The following ZMYM2 variants were observed in gnomAD, a reference collection of about 807,000 sequenced individuals.
ZMYM2 encodes zinc finger MYM-type containing 2.
A neutral mutation model predicts 162.8 loss-of-function variants in ZMYM2; 56 were observed. The observed-to-expected ratio is 0.34, with a 90% CI of 0.28 to 0.43. The LOEUF is 0.43. ZMYM2 is among the 20% of genes least tolerant of loss of function. ZMYM2 has a pLI of 1.00. For synonymous variants in ZMYM2, 510 were observed against 541.6 expected, an observed-to-expected ratio of 0.94 and a Z score of 0.81; for missense variants, 1,275 against 1,621.8, an observed-to-expected ratio of 0.79 and a Z score of 3.67.
At chr13:19,884,851 A>G in the ZMYM2 span, among the ~76,000 whole-genome samples, 1 of 152,094 alleles carries the variant, frequency 6.6e-6, no homozygotes, top group Non-Finnish European at 1.5e-5. Context: ...ACCTGAGCAC[A>G]TCACAATTGC....
chr13:20,076,113 A>T (rs2140986047), intron 21 of ZMYM2, among the ~76,000 whole-genome samples: 1 of 150,554 alleles, frequency 6.6e-6, no homozygotes, highest in Admixed American at 6.6e-5. Context: ...ACCATATTAT[A>T]TACTTCTACA....
At chr13:19,909,942 A>G in the ZMYM2 span, among the ~76,000 whole-genome samples, 2 of 151,182 alleles carry the variant, frequency 1.3e-5, no homozygotes, top group Admixed American at 6.6e-5. Context: ...AAGGCCGGGC[A>G]TGGTGGCTCA....
At chr13:20,080,403 T>C (rs1028149719) in intron 21 of ZMYM2, among the ~76,000 whole-genome samples, 2 of 152,210 alleles carry the variant, frequency 1.3e-5, no homozygotes, top group South Asian at 2.1e-4. Flanking sequence ...TTTTCACTTA[T>C]CTGTTCTTTT....
the ZMYM2 span, among the ~76,000 whole-genome samples, chr13:19,866,369 T>TA: frequency 4.5e-4 from 68 of 150,656 alleles, no homozygotes; most frequent in East Asian, 0.012. Flanking sequence ...AGTGGTACAC[T>TA]AAAAAAAAAA....
chr13:20,063,939 T>A (rs1310264701), intron 18 of ZMYM2, among the ~76,000 whole-genome samples: 17 of 21,058 alleles, frequency 8.1e-4, no homozygotes, highest in Admixed American at 5.6e-3. Flanking sequence ...TATATAGTTT[T>A]TATATATATA....
At chr13:20,030,051 T>C (rs1010608250) in intron 9 of ZMYM2, among the ~76,000 whole-genome samples, 2 of 152,036 alleles carry the variant, frequency 1.3e-5, no homozygotes, top group African/African-American at 4.8e-5. Context: ...TGCCTCTGCC[T>C]CCCAAAGTAC....
chr13:20,058,724 CT>C lies in ZMYM2; in HGVS notation c.2623+22del. 6.2e-7 allele frequency: 1 copy of C among 1,611,838 alleles called. No individual in the cohort carries two copies. The highest frequency in any genetic ancestry group is 8.5e-7 in the Non-Finnish European group (1 of 1,178,814). Reference sequence around the variant, plus strand: ...AGACAGGTAACTTAGGACAATGTGACTTACATACTTCCCCATACCTTCATCT... The same window carrying C: ...AGACAGGTAACTTAGGACAATGTGACTACATACTTCCCCATACCTTCATCT... On this transcript the variant is annotated intron_variant, in intron 15 of 24. Coordinates refer to ENST00000610343, the MANE Select transcript of ZMYM2 (RefSeq NM_197968.4).
At chr13:19,981,681 T>C (rs571712656) in intron 2 of ZMYM2, among the ~76,000 whole-genome samples, 54 of 152,356 alleles carry the variant, frequency 3.5e-4, no homozygotes, top group African/African-American at 1.3e-3. Context: ...CCGTTCATTT[T>C]TGTGGATATC....
upstream of ZMYM2, among the ~76,000 whole-genome samples, chr13:19,954,126 A>ATGTTTTTTTTTTTTTTTTTTTTTTTTTT (rs1954471661): frequency 1.5e-5 from 1 of 64,880 alleles, no homozygotes; most frequent in Non-Finnish European, 3.0e-5. Context: ...GCTATGTTTA[A>ATGTTTTTTTTTTTTTTTTTTTTTTTTTT]TTTTTTTTTT....
At chr13:19,879,134 G>A in the ZMYM2 span, among the ~76,000 whole-genome samples, 1 of 152,064 alleles carries the variant, frequency 6.6e-6, no homozygotes, top group African/African-American at 2.4e-5. Context: ...TTACATTTAA[G>A]TCTTTGATTC....
chr13:20,015,490 C>G (rs1032137125), intron 6 of ZMYM2, among the ~76,000 whole-genome samples: 1 of 152,084 alleles, frequency 6.6e-6, no homozygotes, highest in Non-Finnish European at 1.5e-5. Context: ...TATTGTTGTT[C>G]AAGATTTGTC....
At chr13:19,882,039 G>T in the ZMYM2 span, among the ~76,000 whole-genome samples, 5 of 149,564 alleles carry the variant, frequency 3.3e-5, no homozygotes, top group Non-Finnish European at 7.4e-5. Context: ...ATACAAAAAT[G>T]AACTCAAAGT....
intron 19 of ZMYM2, chr13:20,066,500 TAAA>T (rs1956687099): frequency 5.8e-6 from 1 of 172,324 alleles, no homozygotes; most frequent in African/African-American, 2.4e-5. Flanking sequence ...ATTTTTATAA[TAAA>T]GTTAGCTAGA....
At chr13:19,982,504 T>G (rs1594161288) in intron 2 of ZMYM2, among the ~76,000 whole-genome samples, 2 of 152,130 alleles carry the variant, frequency 1.3e-5, no homozygotes, top group South Asian at 2.1e-4. Context: ...GCCAGGCTGG[T>G]CTCGAACTCC....
At position 20,051,253 on chromosome 13, in the gene ZMYM2, G is replaced by GCATCTTT. The variant is rs369364385; in HGVS notation, c.2293-180_2293-179insCATCTTT. On this transcript the variant is annotated intron_variant, in intron 12 of 24. Transcript: ENST00000610343. ...GATGGACTTTGTCAACTGTGAAATT[G>GCATCTTT]TATTTTTTTTTTTTTTTTTCATTTA... Among the ~76,000 whole-genome samples the GCATCTTT allele has an allele frequency of 7.3e-4, 54 of 74,162 alleles. 2 individuals are homozygous for GCATCTTT. The highest frequency in any genetic ancestry group is 7.4e-4 in the Non-Finnish European group (25 of 33,744). 48.7% of individuals were successfully genotyped at this position (74,162 alleles called of 152,430 possible).
chr13:19,881,745 T>A, the ZMYM2 span, among the ~76,000 whole-genome samples: 1 of 152,070 alleles, frequency 6.6e-6, no homozygotes, highest in Non-Finnish European at 1.5e-5. Flanking sequence ...AGCACTTTGA[T>A]GGCCGAGGCA....
chr13:20,020,709 G>A (rs534835772), intron 7 of ZMYM2, among the ~76,000 whole-genome samples: 20 of 151,944 alleles, frequency 1.3e-4, no homozygotes, highest in Admixed American at 3.9e-4. Context: ...GTTTGTATTT[G>A]TATTGTTTTT....
intron 7 of ZMYM2, among the ~76,000 whole-genome samples, chr13:20,023,150 G>C (rs970532516): frequency 1.4e-4 from 21 of 152,144 alleles, no homozygotes; most frequent in Admixed American, 1.1e-3. Flanking sequence ...TAAGTTTGTT[G>C]CCTCCAATCA....
At chr13:20,029,512 T>A (rs879236504) in intron 9 of ZMYM2, among the ~76,000 whole-genome samples, 2 of 152,238 alleles carry the variant, frequency 1.3e-5, no homozygotes, top group Admixed American at 6.5e-5. Context: ...TGGCTTTTAT[T>A]TTTTAAATTT....
Sources: gnomAD v4.1 joint callset for allele counts (sites outside exome capture counted in the v4.1 genomes callset) on GRCh38, gnomAD v4.1.1 for gene constraint, MANE v1.5 for transcripts, NCBI Gene and HGNC (gene_info 2026-07-23, HGNC 2026-07-21) for gene names.